The following GPC6 variants were observed in gnomAD, a reference collection of about 807,000 sequenced individuals.
GPC6 encodes the protein glypican-6.
Under a neutral mutation model 55.2 loss-of-function variants are expected in GPC6, and 14 were observed. That is an observed-to-expected ratio of 0.25 (90% CI 0.17 to 0.40). The LOEUF (loss-of-function observed/expected upper bound fraction) is 0.40. Among genes scored for constraint, GPC6 ranks in the 10% least tolerant of loss-of-function variants. The pLI is 1.00. For missense variants in GPC6, 641 were observed against 708.5 expected (o/e 0.90, Z 1.08); for synonymous variants, 278 against 259.6 (o/e 1.07, Z -0.68).
At chr13:94,155,240 C>T (rs1165286119) in intron 4 of GPC6, among the ~76,000 whole-genome samples, 2 of 152,110 alleles carry the variant, frequency 1.3e-5, no homozygotes, top group Admixed American at 1.3e-4. Context: ...CAACCTGCTC[C>T]TCCTTCTTTT....
At chr13:94,249,955 G>A (rs1891301732) in intron 4 of GPC6, among the ~76,000 whole-genome samples, 1 of 152,124 alleles carries the variant, frequency 6.6e-6, no homozygotes, top group Non-Finnish European at 1.5e-5. Flanking sequence ...GACAGGAAAT[G>A]TCTAGTGGCA....
At chr13:94,297,892 G>A (rs554578419) in intron 5 of GPC6, among the ~76,000 whole-genome samples, 1 of 152,000 alleles carries the variant, frequency 6.6e-6, no homozygotes, top group Non-Finnish European at 1.5e-5. Context: ...GGAAAGAAAC[G>A]CATGAATCAG....
At chr13:94,382,607 ACT>A in intron 7 of GPC6, 57 bp downstream of exon 7, 1 of 1,607,310 alleles carries the variant, frequency 6.2e-7, no homozygotes. Flanking sequence ...GCCTTGGAAG[ACT>A]CTCCTGGCAC....
intron 6 of GPC6, among the ~76,000 whole-genome samples, chr13:94,346,061 A>G (rs1361006943): frequency 6.7e-6 from 1 of 149,448 alleles, no homozygotes; most frequent in African/African-American, 2.5e-5. Flanking sequence ...CTTCCTCATC[A>G]CATGGCATTT....
chr13:93,749,236 TC>T (rs1474545720), intron 2 of GPC6, among the ~76,000 whole-genome samples: 1 of 152,028 alleles, frequency 6.6e-6, no homozygotes, highest in Non-Finnish European at 1.5e-5. Flanking sequence ...AACCTTAAGT[TC>T]CTGTTAATTA....
chr13:94,352,042 A>G (rs150162579), intron 6 of GPC6, among the ~76,000 whole-genome samples: 36 of 152,096 alleles, frequency 2.4e-4, no homozygotes, highest in African/African-American at 8.7e-4. Context: ...AGTCCTGGAA[A>G]TGCTTTTTCA....
chr13:93,326,631 C>A lies in GPC6; in HGVS notation c.160+99015C>A, dbSNP rs1395788044. On this transcript the variant is annotated intron_variant, in intron 1 of 8. Transcript: ENST00000377047. The stretch of plus-strand genomic sequence containing the variant: ...TCTCTAGGTCATCTGGAAAATATTT[C>A]TTTATGTCAAACATGTACAGAACAT... Among the ~76,000 whole-genome samples the A allele has an allele frequency of 2.6e-5, 4 of 152,128 alleles. No homozygotes were observed. The East Asian group carries it at 5.8e-4, about 22-fold the overall frequency.
chr13:94,298,786 G>A (rs1875485675), intron 5 of GPC6, among the ~76,000 whole-genome samples: 1 of 152,160 alleles, frequency 6.6e-6, no homozygotes, highest in Admixed American at 6.5e-5. Flanking sequence ...TGTTTTACAT[G>A]GATACATGAT....
At chr13:93,866,441 C>T (rs533409185) in intron 3 of GPC6, among the ~76,000 whole-genome samples, 4 of 151,760 alleles carry the variant, frequency 2.6e-5, no homozygotes, top group South Asian at 4.1e-4. Context: ...CAACGCCGTT[C>T]GCAATAGCAA....
At chr13:93,571,422 CT>C (rs1256505646) in intron 2 of GPC6, among the ~76,000 whole-genome samples, 1 of 152,086 alleles carries the variant, frequency 6.6e-6, no homozygotes, top group Non-Finnish European at 1.5e-5. Flanking sequence ...AATTGGTTCA[CT>C]TAAGATTGTA....
In GPC6 at chr13:93,623,911, C is replaced by T. The variant is rs555525250; in HGVS notation, c.319+78490C>T. Among the ~76,000 whole-genome samples, 3 of 152,098 alleles carry T rather than the reference C, an allele frequency of 2.0e-5. No homozygotes were observed. In the South Asian group the frequency reaches 6.2e-4, roughly 32 times the overall value. On this transcript the variant is annotated intron_variant, in intron 2 of 8. Transcript: ENST00000377047. ...TTTTCTGAGAAATGCCTTCTCAGGT[C>T]TTTTGCCCGTTTTTTAACTGGAATT...
chr13:93,874,526 G>C (rs768982708), intron 3 of GPC6, among the ~76,000 whole-genome samples: 1 of 150,586 alleles, frequency 6.6e-6, no homozygotes, highest in Non-Finnish European at 1.5e-5. Flanking sequence ...TTAGCATCAG[G>C]TCATGACACT....
chr13:93,259,297 T>C (rs978535140), intron 1 of GPC6, among the ~76,000 whole-genome samples: 4 of 152,162 alleles, frequency 2.6e-5, no homozygotes, highest in African/African-American at 4.8e-5. Context: ...TATGGAACTT[T>C]AGGGACTGAT....
intron 1 of GPC6, among the ~76,000 whole-genome samples, chr13:93,445,969 G>A (rs1211534045): frequency 6.6e-6 from 1 of 152,184 alleles, no homozygotes; most frequent in Non-Finnish European, 1.5e-5. Context: ...GGCAGAGAGG[G>A]TGAAGGAAAC....
At chr13:93,235,390 G>A (rs549198451) in intron 1 of GPC6, among the ~76,000 whole-genome samples, 62 of 152,286 alleles carry the variant, frequency 4.1e-4, no homozygotes, top group Admixed American at 1.9e-3. Flanking sequence ...ATGACAGAAA[G>A]TAGGTCATCA....
At chr13:94,008,272 C>A (rs1327064706) in intron 3 of GPC6, among the ~76,000 whole-genome samples, 1 of 152,172 alleles carries the variant, frequency 6.6e-6, no homozygotes, top group Non-Finnish European at 1.5e-5. Flanking sequence ...AGGCAGAGAT[C>A]CAGTACAATC....
intron 2 of GPC6, among the ~76,000 whole-genome samples, chr13:93,619,973 A>G (rs9561413): frequency 0.069 from 10,555 of 152,128 alleles, 1,192 homozygotes; most frequent in African/African-American, 0.23. Context: ...TATGTCTGTG[A>G]TACAGATCAG....
chr13:94,133,568 T>C (rs1389060863), intron 4 of GPC6, among the ~76,000 whole-genome samples: 1 of 152,190 alleles, frequency 6.6e-6, no homozygotes, highest in African/African-American at 2.4e-5. Flanking sequence ...ATAAGAGCAC[T>C]GAGAAATTCA....
At chr13:93,420,335 G>A (rs914059122) in intron 1 of GPC6, among the ~76,000 whole-genome samples, 2 of 152,126 alleles carry the variant, frequency 1.3e-5, no homozygotes, top group African/African-American at 4.8e-5. Context: ...GTCTTTTGAG[G>A]AGGTGCTATT....
Sources: gnomAD v4.1 joint callset for allele counts (sites outside exome capture counted in the v4.1 genomes callset) on GRCh38, gnomAD v4.1.1 for gene constraint, MANE v1.5 for transcripts, NCBI Gene and HGNC (gene_info 2026-07-23, HGNC 2026-07-21) for gene names.